MEX3A: variants seen among roughly 807,000 people sequenced by gnomAD.
MEX3A encodes the protein RNA-binding protein MEX3A.
Under a neutral mutation model 30.0 loss-of-function variants are expected in MEX3A, and 4 were observed. The observed-to-expected ratio is 0.13, with a 90% CI of 0.07 to 0.30. The LOEUF (loss-of-function observed/expected upper bound fraction) is 0.30. Ranked by LOEUF, MEX3A falls within the 10% of genes least tolerant of loss-of-function variation. The pLI is 1.00. For synonymous variants in MEX3A, 335 were observed against 327.6 expected (o/e 1.02, Z -0.24); for missense variants, 555 against 736.7 (o/e 0.75, Z 2.86).
In MEX3A at chr1:156,077,803, CT is replaced by C. The variant is rs756427786; in HGVS notation, c.455-122del. 5.1e-4 allele frequency: 699 copies of C among 1,377,566 alleles called. 3 individuals are homozygous for C. In the Middle Eastern group the frequency reaches 6.4e-3, roughly 13 times the overall value. The allele number at this position is 1,377,566 out of a possible 1,614,324, so 85.3% of individuals were successfully genotyped here. A position where few individuals can be genotyped will look rare whatever the true frequency, so the allele number is the denominator to read the frequency against. ...CCTCCCAGGAACACTTCAGTCTACC[CT>C]TTGAAATGCCCACTGCTGCACACAC... is the stretch of plus-strand genomic sequence containing the variant. On this transcript the variant is annotated intron_variant, in intron 1 of 1. Transcript: ENST00000532414. The surrounding 1 kb of genome is among the most constrained non-coding windows in gnomAD (Gnocchi z 8.3).
chr1:156,081,641 T>C lies in MEX3A; in HGVS notation c.358A>G (p.Lys120Glu). 6.4e-7 allele frequency: 1 copy of C among 1,551,068 alleles called. No individual in the cohort carries two copies. Among genetic ancestry groups the C allele is most frequent in the Non-Finnish European group, 8.7e-7 (1 of 1,150,442 alleles). Residue 120 changes from lysine (K) to glutamate (E), a missense_variant, in exon 1 of 2, where the codon AAA becomes GAA. Around this residue, in one of 6 missense-constraint regions of MEX3A, gnomAD observed 159 missense variants for 159.9 expected, o/e 0.99. Transcript: ENST00000532414. ...ASDAKLCALY[K>E]EAELRLKGSS... ...CCCTTCAGGCGCAGCTCGGCCTCTT[T>C]GTAGAGAGCGCAGAGCTTGGCGTCG...
Position 156,076,836 on chromosome 1 carries a change from C to A in MEX3A, c.1301G>T (p.Gly434Val), listed in dbSNP as rs1401949640. The change falls in exon 2 of 2, where the codon GGA becomes GTA. Residue 434 changes from glycine to valine, a missense_variant. Gly to Val is a moderately radical substitution (Grantham distance 109, BLOSUM62 -3). Around this residue, in one of 6 missense-constraint regions of MEX3A, gnomAD observed 281 missense variants for 265.1 expected, o/e 1.06. Transcript: ENST00000532414. The surrounding 1 kb of genome is among the most constrained non-coding windows in gnomAD (Gnocchi z 6.0). Reference protein sequence around the residue: ...GAHRSPATSAGPELAGLPRRP... With the variant: ...GAHRSPATSAVPELAGLPRRP... Reference sequence around the variant, plus strand: ...CCTCGGGAGTCCGGCCAGCTCGGGTCCCGCGGAAGTGGCAGGGGAGCGGTG... The same window carrying A: ...CCTCGGGAGTCCGGCCAGCTCGGGTACCGCGGAAGTGGCAGGGGAGCGGTG... 5 of 1,547,548 alleles carry A rather than the reference C, an allele frequency of 3.2e-6. No homozygotes were observed. The South Asian group carries it at 4.8e-5, about 15-fold the overall frequency.
In MEX3A at chr1:156,076,415, G is replaced by A. The variant is rs144303840; in HGVS notation, c.*159C>T. The A allele has an allele frequency of 7.1e-4, 517 of 725,228 alleles. 1 individual carries two copies. Among genetic ancestry groups the A allele is most frequent in the Non-Finnish European group, 6.2e-4 (290 of 465,356 alleles). 44.9% of individuals were successfully genotyped at this position (725,228 alleles called of 1,614,324 possible). A position where few individuals can be genotyped will look rare whatever the true frequency, so the allele number is the denominator to read the frequency against. On this transcript the variant is annotated 3_prime_UTR_variant, in exon 2 of 2. Transcript: ENST00000532414. This position sits in a 1 kb window ranked among gnomAD's most constrained non-coding sequence, Gnocchi z 6.0. ...GGTGACCAGAGGCTCTGAAAGTGGC[G>A]CACCCTCCAGCCACCACTGCCTCCC... is the stretch of plus-strand genomic sequence containing the variant.
chr1:156,081,194 C>T (rs1648221264), intron 1 of MEX3A, among the ~76,000 whole-genome samples: 1 of 152,244 alleles, frequency 6.6e-6, no homozygotes, highest in South Asian at 2.1e-4. Flanking sequence ...GTACAGGCTT[C>T]TGAGTAACTC....
chr1:156,077,734 T>G lies in MEX3A; in HGVS notation c.455-52A>C. 6.6e-7 allele frequency: 1 copy of G among 1,516,364 alleles called. No homozygotes were observed. Among genetic ancestry groups the G allele is most frequent in the Non-Finnish European group, 8.8e-7 (1 of 1,138,218 alleles). 93.9% of individuals were successfully genotyped at this position (1,516,364 alleles called of 1,614,324 possible). A position where few individuals can be genotyped will look rare whatever the true frequency, so the allele number is the denominator to read the frequency against. On this transcript the variant is annotated intron_variant, in intron 1 of 1. Coordinates refer to ENST00000532414, the MANE Select transcript of MEX3A (RefSeq NM_001093725.2). The surrounding 1 kb of genome is among the most constrained non-coding windows in gnomAD (Gnocchi z 8.3). ...ACAAAGAAACGCACACAGCAAGGTT[T>G]GTGCTGGGACCAATAAATTCCTGAT...
In MEX3A at chr1:156,077,520, G is replaced by C; in HGVS notation, c.617C>G (p.Ser206Cys). Reference protein sequence around the residue: ...AAEHFSMIRASRNKSGAAFGV... With the variant: ...AAEHFSMIRACRNKSGAAFGV... Reference sequence around the variant, plus strand: ...AAAGGCGGCGCCTGACTTGTTGCGGGAGGCACGGATCATGGAGAAGTGCTC... The same window carrying C: ...AAAGGCGGCGCCTGACTTGTTGCGGCAGGCACGGATCATGGAGAAGTGCTC... Residue 206 changes from serine to cysteine, a missense_variant, in exon 2 of 2, where the codon TCC becomes TGC. Coordinates refer to ENST00000532414, the MANE Select transcript of MEX3A (RefSeq NM_001093725.2). This position sits in a 1 kb window ranked among gnomAD's most constrained non-coding sequence, Gnocchi z 8.3. 6.2e-7 allele frequency: 1 copy of C among 1,612,768 alleles called. No homozygotes were observed. Among genetic ancestry groups the C allele is most frequent in the Non-Finnish European group, 8.5e-7 (1 of 1,179,382 alleles).
Position 156,077,533 on chromosome 1 carries a change from T to C in MEX3A, c.604A>G (p.Met202Val). The change falls in exon 2 of 2, where the codon ATG (methionine) becomes GTG (valine). Residue 202 changes from methionine (M) to valine (V), a missense_variant. Transcript: ENST00000532414. The surrounding 1 kb of genome is among the most constrained non-coding windows in gnomAD (Gnocchi z 8.3). ...EIISAAEHFS[M>V]IRASRNKSGA... ...GACTTGTTGCGGGAGGCACGGATCA[T>C]GGAGAAGTGCTCCGCTGCTGAGATG... The C allele has an allele frequency of 6.2e-7, 1 of 1,612,658 alleles. No homozygotes were observed. The highest frequency in any genetic ancestry group is 8.5e-7 in the Non-Finnish European group (1 of 1,179,340).
At position 156,081,813 on chromosome 1, in the gene MEX3A, C is replaced by T. The variant is rs962196583; in HGVS notation, c.186G>A (p.Gly62=). 7.7e-7 allele frequency: 1 copy of T among 1,301,966 alleles called. No individual in the cohort carries two copies. 80.7% of individuals were successfully genotyped at this position (1,301,966 alleles called of 1,614,324 possible). A position where few individuals can be genotyped will look rare whatever the true frequency, so the allele number is the denominator to read the frequency against. ...EPPAPTAGED[G]GGGGGGAPAQ... ...CGGGGGCGCCGCCCCCCCCACCTCC[C>T]CCGTCCTCGCCCGCCGTGGGGGCGG... Residue 62 remains glycine (G), a synonymous_variant, in exon 1 of 2, where the codon GGG becomes GGA. Coordinates refer to ENST00000532414, the MANE Select transcript of MEX3A (RefSeq NM_001093725.2).
At position 156,076,824 on chromosome 1, in the gene MEX3A, G is replaced by A; in HGVS notation, c.1313C>T (p.Ala438Val). Residue 438 changes from alanine to valine, a missense_variant, in exon 2 of 2, where the codon GCC (alanine) becomes GTC (valine). Transcript: ENST00000532414. The surrounding 1 kb of genome is among the most constrained non-coding windows in gnomAD (Gnocchi z 6.0). ...TCCCGGGGGGCGCCTCGGGAGTCCG[G>A]CCAGCTCGGGTCCCGCGGAAGTGGC... ...SPATSAGPELAGLPRRPPGEP... is the reference protein window; with the variant it reads ...SPATSAGPELVGLPRRPPGEP... 6.4e-7 allele frequency: 1 copy of A among 1,550,940 alleles called. No individual in the cohort carries two copies. The highest frequency in any genetic ancestry group is 1.2e-5 in the South Asian group (1 of 84,422).
Position 156,073,803 on chromosome 1 carries a change from C to T in MEX3A, c.*2771G>A, listed in dbSNP as rs574022876. 1 of 152,796 alleles carries T rather than the reference C, an allele frequency of 6.5e-6. No homozygotes were observed. Among genetic ancestry groups the T allele is most frequent in the Non-Finnish European group, 1.5e-5 (1 of 68,018 alleles). 9.5% of individuals were successfully genotyped at this position (152,796 alleles called of 1,614,324 possible). A position where few individuals can be genotyped will look rare whatever the true frequency, so the allele number is the denominator to read the frequency against. On this transcript the variant is annotated 3_prime_UTR_variant, in exon 2 of 2. Transcript: ENST00000532414. ...TGAGGGTTCCTATAGGCCTGCTAGG[C>T]CTTAATTCTGGATTCCCCCTCCTCA...
chr1:156,077,665 A>G lies in MEX3A; in HGVS notation c.472T>C (p.Leu158=). 1 of 1,594,230 alleles carries G rather than the reference A, an allele frequency of 6.3e-7. No individual in the cohort carries two copies. ...VGRQGCKIKA[L]RAKTNTYIKT... is the part of the protein sequence containing the mutation. ...ATGTAGGTGTTGGTCTTGGCCCTCA[A>G]GGCCTTAATCTTGCAGCCTGGGATA... The change falls in exon 2 of 2, where the codon TTG becomes CTG. Residue 158 remains leucine, a synonymous_variant. Transcript: ENST00000532414. The surrounding 1 kb of genome is among the most constrained non-coding windows in gnomAD (Gnocchi z 8.3).
chr1:156,080,539 T>C (rs1290271510), intron 1 of MEX3A, among the ~76,000 whole-genome samples: 1 of 151,752 alleles, frequency 6.6e-6, no homozygotes, highest in Non-Finnish European at 1.5e-5. Context: ...CTTTGCAATT[T>C]CCAAATCCTG....
rs368560209 is a variant in MEX3A, at chr1:156,077,297, C to T, written c.840G>A (p.Ala280=). Residue 280 remains alanine, a synonymous_variant, in exon 2 of 2, where the codon GCG becomes GCA. Coordinates refer to ENST00000532414, the MANE Select transcript of MEX3A (RefSeq NM_001093725.2). This position sits in a 1 kb window ranked among gnomAD's most constrained non-coding sequence, Gnocchi z 8.3. The part of the protein sequence containing the change: ...ITGAPGNVER[A]REEIETHIAV... ...CGATGTGCGTCTCGATCTCCTCGCG[C>T]GCACGCTCCACGTTGCCTGGGGCAC... 73 of 1,613,958 alleles carry T rather than the reference C, an allele frequency of 4.5e-5. No homozygotes were observed. The Middle Eastern group carries it at 6.6e-4, about 15-fold the overall frequency.
chr1:156,081,774 G>T lies in MEX3A; in HGVS notation c.225C>A (p.Ala75=). ...GCGGCGGCGGGGCCGGCTGCGGGGG[G>T]GCGGCCGGCTGCGCGGGGGCGCCGC... The part of the protein sequence containing the change: ...GGGGAPAQPA[A]PPQPAPPPPP... Residue 75 remains alanine, a synonymous_variant, in exon 1 of 2, where the codon GCC becomes GCA. Transcript: ENST00000532414. 4 of 827,516 alleles carry T rather than the reference G, an allele frequency of 4.8e-6. No homozygotes were observed. The highest frequency in any genetic ancestry group is 5.9e-6 in the Non-Finnish European group (4 of 680,558). The allele number at this position is 827,516 out of a possible 1,614,324, so 51.3% of individuals were successfully genotyped here. A position where few individuals can be genotyped will look rare whatever the true frequency, so the allele number is the denominator to read the frequency against.
rs752554309 is a variant in MEX3A at position 156,077,185 on chromosome 1, A to C, written c.952T>G (p.Ser318Ala). The C allele has an allele frequency of 3.1e-6, 5 of 1,613,524 alleles. No homozygotes were observed. The South Asian group carries it at 5.5e-5, about 18-fold the overall frequency. The change falls in exon 2 of 2, where the codon TCC becomes GCC. Residue 318 changes from serine to alanine, a missense_variant. By Grantham distance (99) the Ser-to-Ala change is moderately conservative. Transcript: ENST00000532414. This position sits in a 1 kb window ranked among gnomAD's most constrained non-coding sequence, Gnocchi z 8.3. ...SPDAAIDSRY[S>A]DAWRVHQPGC... ...GGCTGGTGCACCCGCCAGGCGTCGG[A>C]GTAGCGGCTATCGATTGCTGCGTCG...
intron 1 of MEX3A, among the ~76,000 whole-genome samples, chr1:156,080,886 G>C (rs1648204967): frequency 6.6e-6 from 1 of 152,130 alleles, no homozygotes; most frequent in South Asian, 2.1e-4. Flanking sequence ...GAAGAGGAGA[G>C]GTCCAAGCCA....
chr1:156,080,313 C>G (rs1024959636), intron 1 of MEX3A, among the ~76,000 whole-genome samples: 1 of 152,124 alleles, frequency 6.6e-6, no homozygotes, highest in Non-Finnish European at 1.5e-5. Context: ...GGCATCTTCC[C>G]CTCCTCCATT....
At position 156,075,824 on chromosome 1, in the gene MEX3A, T is replaced by G. The variant is rs958795067; in HGVS notation, c.*750A>C. 2.0e-5 allele frequency: 3 copies of G among 152,348 alleles called. No homozygotes were observed. The highest frequency in any genetic ancestry group is 4.4e-5 in the Non-Finnish European group (3 of 68,410). The allele number at this position is 152,348 out of a possible 1,614,324, so 9.4% of individuals were successfully genotyped here. ...AGGAAAGAGTTGAGGAAAGGGAAGA[T>G]CCCAAAGGAAGGGAAGATAGGCGGA... On this transcript the variant is annotated 3_prime_UTR_variant, in exon 2 of 2. Transcript: ENST00000532414.
chr1:156,079,014 A>G (rs1648148635), intron 1 of MEX3A, among the ~76,000 whole-genome samples: 2 of 152,038 alleles, frequency 1.3e-5, no homozygotes, highest in Admixed American at 1.3e-4. Context: ...CCCTTCTCTG[A>G]GCACAACTCA....
Sources: allele counts gnomAD v4.1 joint callset (sites outside exome capture counted in the v4.1 genomes callset), GRCh38; gene constraint gnomAD v4.1.1; regional missense constraint gnomAD v4.1.1; non-coding constraint Gnocchi (gnomAD v3.1); transcripts MANE v1.5; gene names NCBI Gene and HGNC (gene_info 2026-07-23, HGNC 2026-07-21).